The following RAP1GAP2 variants were observed in gnomAD, a reference collection of about 807,000 sequenced individuals.
RAP1GAP2 encodes the protein RAP1 GTPase activating protein 2.
Under a neutral mutation model 95.0 loss-of-function variants are expected in RAP1GAP2, and 27 were observed. That is an observed-to-expected ratio of 0.28 (90% CI 0.21 to 0.39). RAP1GAP2 has a LOEUF of 0.39. RAP1GAP2 is among the 10% of genes least tolerant of loss of function. RAP1GAP2 has a pLI of 1.00. For missense variants in RAP1GAP2, 771 were observed against 970.0 expected (o/e 0.79, Z 2.72); for synonymous variants, 373 against 380.9 (o/e 0.98, Z 0.24).
chr17:2,795,143 G>A (rs2069036746), upstream of RAP1GAP2, among the ~76,000 whole-genome samples: 1 of 151,724 alleles, frequency 6.6e-6, no homozygotes, highest in African/African-American at 2.4e-5. Flanking sequence ...CTCCCAAAGT[G>A]CTGGGATTAC....
intron 2 of RAP1GAP2, among the ~76,000 whole-genome samples, chr17:2,805,469 C>A (rs1229945518): frequency 6.6e-6 from 1 of 152,166 alleles, no homozygotes. Context: ...GATTCTCCCA[C>A]CTCAGCTTCC....
At chr17:2,803,293 G>GT (rs1425409233) in intron 2 of RAP1GAP2, among the ~76,000 whole-genome samples, 1 of 152,182 alleles carries the variant, frequency 6.6e-6, no homozygotes, top group Non-Finnish European at 1.5e-5. Flanking sequence ...TGTGTTCGGA[G>GT]TTTTATTGGT....
rs375117505 is a variant in RAP1GAP2 at position 2,832,733 on chromosome 17, T to C, written c.80+32183T>C. Among the ~76,000 whole-genome samples the C allele has an allele frequency of 4.7e-4, 71 of 151,898 alleles. 1 individual carries two copies. The South Asian group carries it at 0.014, about 31-fold the overall frequency. ...GACTCACTCCTGTAATCCCAGCACT[T>C]TGGGAGGCCGAGGCGGGCGATGGCT... On this transcript the variant is annotated intron_variant, in intron 2 of 24. Coordinates refer to ENST00000254695, the MANE Select transcript of RAP1GAP2 (RefSeq NM_015085.5).
Position 2,903,820 on chromosome 17 carries a change from T to C in RAP1GAP2, c.81-1464T>C, listed in dbSNP as rs2042103434. Among the ~76,000 whole-genome samples the C allele has an allele frequency of 6.6e-6, 1 of 152,014 alleles. No individual in the cohort carries two copies. Among genetic ancestry groups the C allele is most frequent in the African/African-American group, 2.4e-5 (1 of 41,390 alleles). On this transcript the variant is annotated intron_variant, in intron 2 of 24. Coordinates refer to ENST00000254695, the MANE Select transcript of RAP1GAP2 (RefSeq NM_015085.5). This position sits in a 1 kb window ranked among gnomAD's most constrained non-coding sequence, Gnocchi z 4.1. ...ACATGACCCAGGCCTAGCCTGGAAG[T>C]GTTCTCAGCCTGGTCCTGCTCCGTG...
intron 14 of RAP1GAP2, among the ~76,000 whole-genome samples, chr17:3,002,618 G>C (rs1360316482): frequency 6.6e-6 from 1 of 152,172 alleles, no homozygotes; most frequent in African/African-American, 2.4e-5. Flanking sequence ...TTTCCTCTGG[G>C]ACTGAGTAAG....
chr17:2,777,156 C>G (rs1231193803), exon 1 of RAP1GAP2: 1 of 152,250 alleles, frequency 6.6e-6, no homozygotes, highest in Non-Finnish European at 1.5e-5. Flanking sequence ...GGTGACCGTC[C>G]TCAGAAACCC....
At chr17:2,838,692 C>T (rs756289830) in intron 2 of RAP1GAP2, among the ~76,000 whole-genome samples, 28 of 152,060 alleles carry the variant, frequency 1.8e-4, no homozygotes, top group Admixed American at 1.4e-3. Flanking sequence ...AAATTGTAAC[C>T]GGGGGAGATG....
chr17:2,802,065 T>A (rs1316334333), intron 2 of RAP1GAP2, among the ~76,000 whole-genome samples: 2 of 152,186 alleles, frequency 1.3e-5, no homozygotes, highest in African/African-American at 4.8e-5. Flanking sequence ...GCTCAAAATA[T>A]TCTCCCGGCA....
Position 2,855,553 on chromosome 17 carries a change from T to C in RAP1GAP2, c.81-49731T>C, listed in dbSNP as rs150842320. On this transcript the variant is annotated intron_variant, in intron 2 of 24. Transcript: ENST00000254695. The surrounding 1 kb of genome is among the most constrained non-coding windows in gnomAD (Gnocchi z 4.3). The stretch of plus-strand genomic sequence containing the variant: ...GGTACTGATGTTTTTCCATTTGTGG[T>C]AGTGATATAAAACATCTCTTTAAAC... 4.0e-3 allele frequency among the ~76,000 whole-genome samples: 611 copies of C among 152,330 alleles called. 7 individuals are homozygous for C. Among genetic ancestry groups the C allele is most frequent in the African/African-American group, 0.014 (568 of 41,578 alleles).
At chr17:2,890,374 A>C (rs2073666287) in intron 2 of RAP1GAP2, among the ~76,000 whole-genome samples, 1 of 152,208 alleles carries the variant, frequency 6.6e-6, no homozygotes, top group African/African-American at 2.4e-5. Context: ...GGAAGCTCCT[A>C]ATCCATTATG....
rs1358175353 is a variant in RAP1GAP2 at position 2,866,632 on chromosome 17, CCTCT to C, written c.81-38651_81-38648del. ...TTATTATTTTTTGAGGCAGCATCTC[CCTCT>C]GTCGCCAGGCTGGAGTGCAGTGGTG... On this transcript the variant is annotated intron_variant, in intron 2 of 24. Transcript: ENST00000254695. This position sits in a 1 kb window ranked among gnomAD's most constrained non-coding sequence, Gnocchi z 4.0. Among the ~76,000 whole-genome samples the C allele has an allele frequency of 6.6e-6, 1 of 152,010 alleles. No homozygotes were observed. Among genetic ancestry groups the C allele is most frequent in the African/African-American group, 2.4e-5 (1 of 41,378 alleles).
At chr17:2,911,165 G>A (rs1045591919) in intron 3 of RAP1GAP2, among the ~76,000 whole-genome samples, 1 of 151,800 alleles carries the variant, frequency 6.6e-6, no homozygotes, top group Admixed American at 6.6e-5. Flanking sequence ...AGTCTCTGCC[G>A]CGCTCCCCCC....
intron 3 of RAP1GAP2, among the ~76,000 whole-genome samples, chr17:2,918,706 C>T (rs889467998): frequency 2.0e-5 from 3 of 152,192 alleles, no homozygotes; most frequent in Admixed American, 6.6e-5. Flanking sequence ...GTAAAGCATT[C>T]ATGAGAAATC....
intron 2 of RAP1GAP2, among the ~76,000 whole-genome samples, chr17:2,897,777 C>T (rs896664314): frequency 1.2e-4 from 19 of 152,222 alleles, no homozygotes; most frequent in African/African-American, 3.4e-4. Context: ...GTTCCCTCGG[C>T]TCTCCAGCCT....
At chr17:2,874,223 G>C (rs1400217043) in intron 2 of RAP1GAP2, among the ~76,000 whole-genome samples, 1 of 152,176 alleles carries the variant, frequency 6.6e-6, no homozygotes, top group African/African-American at 2.4e-5. Context: ...TGTGCCTGGG[G>C]AACAATGGGT....
intron 2 of RAP1GAP2, among the ~76,000 whole-genome samples, chr17:2,895,222 C>G (rs537376170): frequency 6.6e-6 from 1 of 152,226 alleles, no homozygotes; most frequent in Admixed American, 6.5e-5. Flanking sequence ...GTGACTGTTA[C>G]AGTGAAGACC....
rs923653538 is a variant in RAP1GAP2 at position 3,008,306 on chromosome 17, G to T, written c.1494+161G>T. ...CTAGGTGTTTGCAAAGGGCAGGGCC[G>T]TTAGGAAGTGTGTGAGGCTGGAGCA... On this transcript the variant is annotated intron_variant, in intron 17 of 24. Coordinates refer to ENST00000254695, the MANE Select transcript of RAP1GAP2 (RefSeq NM_015085.5). The surrounding 1 kb of genome is among the most constrained non-coding windows in gnomAD (Gnocchi z 4.2). Among the ~76,000 whole-genome samples the T allele has an allele frequency of 1.3e-5, 2 of 152,194 alleles. No individual in the cohort carries two copies. Among genetic ancestry groups the T allele is most frequent in the Admixed American group, 6.5e-5 (1 of 15,280 alleles).
rs569847235 is a variant in RAP1GAP2 at position 2,874,934 on chromosome 17, G to A, written c.81-30350G>A. On this transcript the variant is annotated intron_variant, in intron 2 of 24. Transcript: ENST00000254695. ...TGTCTCCATTTTGCTCATGACTGTC[G>A]ACCTAGAGAAAGAAACAGAGAGAAA... is the stretch of plus-strand genomic sequence containing the variant. Among the ~76,000 whole-genome samples the A allele has an allele frequency of 1.3e-4, 20 of 152,238 alleles. No homozygotes were observed. The East Asian group carries it at 3.9e-3, about 29-fold the overall frequency.
rs1245085359 is a variant in RAP1GAP2, at chr17:3,005,801, T to G, written c.1273-154T>G. Among the ~76,000 whole-genome samples, 2 of 152,152 alleles carry G rather than the reference T, an allele frequency of 1.3e-5. No homozygotes were observed. Among genetic ancestry groups the G allele is most frequent in the Non-Finnish European group, 2.9e-5 (2 of 68,026 alleles). ...GTTTCCTTGTTGGGATATTTGCAAG[T>G]GGGCTTGGCCTGGGCTAGAAATGAT... On this transcript the variant is annotated intron_variant, in intron 15 of 24. Coordinates refer to ENST00000254695, the MANE Select transcript of RAP1GAP2 (RefSeq NM_015085.5). This position sits in a 1 kb window ranked among gnomAD's most constrained non-coding sequence, Gnocchi z 5.2.
Sources: gnomAD v4.1 joint callset for allele counts (sites outside exome capture counted in the v4.1 genomes callset) on GRCh38, gnomAD v4.1.1 for gene constraint, Gnocchi (gnomAD v3.1) non-coding constraint, MANE v1.5 for transcripts, NCBI Gene and HGNC (gene_info 2026-07-23, HGNC 2026-07-21) for gene names.